The following BABAM2 variants were observed in gnomAD, a reference collection of about 807,000 sequenced individuals.
BABAM2 encodes the protein BRISC and BRCA1 A complex member 2.
A neutral mutation model predicts 54.7 loss-of-function variants in BABAM2; 31 were observed. That is an observed-to-expected ratio of 0.57 (90% CI 0.43 to 0.77). The LOEUF (loss-of-function observed/expected upper bound fraction) is 0.77. Among genes scored for constraint, BABAM2 ranks in the 30% least tolerant of loss-of-function variants. The pLI, the probability that BABAM2 is intolerant of heterozygous loss-of-function variation, is 0.00. For synonymous variants in BABAM2, 167 were observed against 162.9 expected, an observed-to-expected ratio of 1.03 and a Z score of -0.19; for missense variants, 364 against 455.8, an observed-to-expected ratio of 0.80 and a Z score of 1.83.
intron 7 of BABAM2, among the ~76,000 whole-genome samples, chr2:28,135,370 T>A (rs1250621215): frequency 1.3e-5 from 2 of 152,216 alleles, no homozygotes; most frequent in East Asian, 3.9e-4. Flanking sequence ...CTTCCATAAC[T>A]TGGAGTTTTT....
chr2:28,103,481 G>T (rs984664228), intron 6 of BABAM2, among the ~76,000 whole-genome samples: 3 of 151,994 alleles, frequency 2.0e-5, no homozygotes, highest in African/African-American at 7.2e-5. Context: ...GCTAATTTTT[G>T]TATTTTTTGT....
intron 11 of BABAM2, among the ~76,000 whole-genome samples, chr2:28,320,569 C>A (rs1689946192): frequency 6.6e-6 from 1 of 152,250 alleles, no homozygotes; most frequent in African/African-American, 2.4e-5. Flanking sequence ...CATTACTACT[C>A]CACGTTGCCA....
intron 3 of BABAM2, among the ~76,000 whole-genome samples, chr2:27,953,273 T>C (rs1166839012): frequency 6.6e-6 from 1 of 152,128 alleles, no homozygotes; most frequent in Non-Finnish European, 1.5e-5. Flanking sequence ...CTTGAACTCC[T>C]GGGCTCAAGC....
Position 28,304,466 on chromosome 2 carries a change from A to G in BABAM2, c.1088+5975A>G, listed in dbSNP as rs1003300569. On this transcript the variant is annotated intron_variant, in intron 11 of 11. Transcript: ENST00000379624. This position sits in a 1 kb window ranked among gnomAD's most constrained non-coding sequence, Gnocchi z 4.0. ...ATTTATTTTCTAGTTTGTTGCTGGTATACAGGAATACAAATGATTTTTCTA... is the reference window on the plus strand; with the variant it reads ...ATTTATTTTCTAGTTTGTTGCTGGTGTACAGGAATACAAATGATTTTTCTA... Among the ~76,000 whole-genome samples the G allele has an allele frequency of 1.3e-5, 2 of 151,526 alleles. No homozygotes were observed. The highest frequency in any genetic ancestry group is 4.8e-5 in the African/African-American group (2 of 41,376).
chr2:27,980,336 AT>A (rs2148470422), intron 3 of BABAM2, among the ~76,000 whole-genome samples: 1 of 152,180 alleles, frequency 6.6e-6, no homozygotes, highest in Non-Finnish European at 1.5e-5. Flanking sequence ...ATGTGATGTT[AT>A]TGCTCTTCTA....
intron 4 of BABAM2, among the ~76,000 whole-genome samples, chr2:28,002,163 AG>A (rs1395504991): frequency 6.6e-6 from 1 of 152,110 alleles, no homozygotes; most frequent in Non-Finnish European, 1.5e-5. Context: ...CAATGTTATC[AG>A]GGCTTTGCTC....
In BABAM2 at chr2:28,286,652, T is replaced by G. The variant is rs567332008; in HGVS notation, c.935-11686T>G. Among the ~76,000 whole-genome samples, 6 of 152,324 alleles carry G rather than the reference T, an allele frequency of 3.9e-5. No individual in the cohort carries two copies. The South Asian group carries it at 1.2e-3, about 32-fold the overall frequency. ...TGCCTATCCAAATCCTAGTTGTTTT[T>G]CAAGGCCCTGCTCAAAGCAGTCTCA... On this transcript the variant is annotated intron_variant, in intron 10 of 11. Coordinates refer to ENST00000379624, the MANE Select transcript of BABAM2 (RefSeq NM_199191.3).
intron 10 of BABAM2, among the ~76,000 whole-genome samples, chr2:28,277,460 T>G (rs1685976445): frequency 6.6e-6 from 1 of 152,174 alleles, no homozygotes. Context: ...TGCAGACACA[T>G]CAATAGATTA....
At chr2:28,307,342 A>G (rs1298294022) in intron 11 of BABAM2, among the ~76,000 whole-genome samples, 1 of 151,280 alleles carries the variant, frequency 6.6e-6, no homozygotes, top group Non-Finnish European at 1.5e-5. Flanking sequence ...TACATTTAAT[A>G]TAAATAATAA....
At chr2:28,205,157 A>G (rs1678705727) in intron 7 of BABAM2, among the ~76,000 whole-genome samples, 1 of 152,090 alleles carries the variant, frequency 6.6e-6, no homozygotes. Flanking sequence ...GATATAGGGA[A>G]AGAGGGGCAT....
chr2:28,084,648 T>C (rs1665482702), intron 6 of BABAM2, among the ~76,000 whole-genome samples: 1 of 152,128 alleles, frequency 6.6e-6, no homozygotes, highest in African/African-American at 2.4e-5. Flanking sequence ...GCTGTTAGCA[T>C]TGTCATCTGT....
At chr2:27,981,029 A>G (rs1671957952) in intron 3 of BABAM2, among the ~76,000 whole-genome samples, 1 of 152,140 alleles carries the variant, frequency 6.6e-6, no homozygotes, top group African/African-American at 2.4e-5. Context: ...ACAGCATTAT[A>G]TATCTATAAT....
At chr2:28,160,969 C>T (rs1673031935) in intron 7 of BABAM2, among the ~76,000 whole-genome samples, 1 of 152,042 alleles carries the variant, frequency 6.6e-6, no homozygotes, top group Non-Finnish European at 1.5e-5. Context: ...TTTCTGGAGA[C>T]TACCGCAGAG....
chr2:28,026,916 T>TAATATATATTAATATATATATA (rs1675839914), intron 5 of BABAM2, among the ~76,000 whole-genome samples: 1 of 34,684 alleles, frequency 2.9e-5, no homozygotes, highest in Non-Finnish European at 6.1e-5. Flanking sequence ...AAATATATAT[T>TAATATATATTAATATATATATA]AATATATATA....
intron 10 of BABAM2, among the ~76,000 whole-genome samples, chr2:28,294,425 T>C (rs1437556596): frequency 6.6e-6 from 1 of 151,786 alleles, no homozygotes; most frequent in African/African-American, 2.4e-5. Flanking sequence ...AAGTGTTCAA[T>C]TTTGATATAG....
At chr2:28,290,615 A>G (rs959177569) in intron 10 of BABAM2, among the ~76,000 whole-genome samples, 1 of 152,170 alleles carries the variant, frequency 6.6e-6, no homozygotes, top group Non-Finnish European at 1.5e-5. Context: ...TAAAATAACT[A>G]ATTCACAGCC....
At chr2:28,035,157 C>G (rs1676574717) in intron 5 of BABAM2, among the ~76,000 whole-genome samples, 1 of 151,980 alleles carries the variant, frequency 6.6e-6, no homozygotes, top group Non-Finnish European at 1.5e-5. Flanking sequence ...TAGCTTTTCA[C>G]CTGTCTTTTT....
intron 10 of BABAM2, among the ~76,000 whole-genome samples, chr2:28,269,939 T>G (rs911400439): frequency 6.6e-6 from 1 of 152,156 alleles, no homozygotes; most frequent in Non-Finnish European, 1.5e-5. Context: ...ACTATACATA[T>G]TAGGAAAATG....
chr2:28,273,748 G>T (rs372893135), intron 10 of BABAM2, among the ~76,000 whole-genome samples: 10 of 152,070 alleles, frequency 6.6e-5, no homozygotes, highest in East Asian at 3.9e-4. Context: ...CAGCTTCATG[G>T]GTAAATCTGA....
Sources: gnomAD v4.1 joint callset for allele counts (sites outside exome capture counted in the v4.1 genomes callset) on GRCh38, gnomAD v4.1.1 for gene constraint, Gnocchi (gnomAD v3.1) non-coding constraint, MANE v1.5 for transcripts, NCBI Gene and HGNC (gene_info 2026-07-23, HGNC 2026-07-21) for gene names.